FAF1: variants seen among roughly 807,000 people sequenced by gnomAD.
FAF1 encodes the protein Fas associated factor 1.
In FAF1, 25 loss-of-function variants were observed where a neutral mutation model predicts 92.5. The ratio of observed to expected loss-of-function variants is 0.27; its 90% CI spans 0.20 to 0.38. The LOEUF is 0.38. Among genes scored for constraint, FAF1 ranks in the 10% least tolerant of loss-of-function variants. The pLI is 1.00. For missense variants in FAF1, 636 were observed against 793.3 expected (o/e 0.80, Z 2.38); for synonymous variants, 234 against 273.2 (o/e 0.86, Z 1.42).
intron 1 of FAF1, among the ~76,000 whole-genome samples, chr1:50,919,433 A>G (rs1029090621): frequency 6.6e-6 from 1 of 152,154 alleles, no homozygotes; most frequent in African/African-American, 2.4e-5. Flanking sequence ...TATAACACGT[A>G]TAAGTAAAAT....
chr1:50,716,800 T>C (rs186251979), intron 6 of FAF1, among the ~76,000 whole-genome samples: 23 of 152,272 alleles, frequency 1.5e-4, no homozygotes, highest in African/African-American at 4.6e-4. Flanking sequence ...CAGCAGGATG[T>C]GGGCAGAGAC....
chr1:50,464,450 C>T (rs543119446), intron 18 of FAF1, among the ~76,000 whole-genome samples: 14 of 152,254 alleles, frequency 9.2e-5, no homozygotes, highest in African/African-American at 3.1e-4. Context: ...ATGCTGTCTC[C>T]CTGTCATTGC....
At chr1:50,684,227 G>A (rs1656552323) in intron 7 of FAF1, among the ~76,000 whole-genome samples, 1 of 145,728 alleles carries the variant, frequency 6.9e-6, no homozygotes, top group African/African-American at 2.5e-5. Context: ...ATTGAAACAT[G>A]TGTGTTTAAT....
intron 15 of FAF1, among the ~76,000 whole-genome samples, chr1:50,494,851 G>A (rs1331493479): frequency 6.6e-6 from 1 of 152,156 alleles, no homozygotes; most frequent in African/African-American, 2.4e-5. Context: ...TTATATACTA[G>A]AAATTCAGAA....
At chr1:50,872,067 A>T (rs1231838626) in intron 1 of FAF1, among the ~76,000 whole-genome samples, 2 of 143,810 alleles carry the variant, frequency 1.4e-5, no homozygotes, top group African/African-American at 5.7e-5. Flanking sequence ...TCCATCTCAA[A>T]AAAAAAAAAA....
At position 50,615,710 on chromosome 1, in the gene FAF1, T is replaced by C. The variant is rs571471329; in HGVS notation, c.745-19494A>G. ...TCCTTTATCCATTTTTTAATGGGCT[T>C]GTTTTCTGCTTGTTTGTTTCAGTTC... On this transcript the variant is annotated intron_variant, in intron 8 of 18. Coordinates refer to ENST00000396153, the MANE Select transcript of FAF1 (RefSeq NM_007051.3). 3.9e-5 allele frequency among the ~76,000 whole-genome samples: 6 copies of C among 152,292 alleles called. No homozygotes were observed. The East Asian group carries it at 1.2e-3, about 29-fold the overall frequency.
Position 50,934,236 on chromosome 1 carries a change from G to A in FAF1, c.45+25531C>T, listed in dbSNP as rs1383141786. Among the ~76,000 whole-genome samples the A allele has an allele frequency of 2.6e-5, 4 of 152,026 alleles. No homozygotes were observed. The East Asian group carries it at 5.8e-4, about 22-fold the overall frequency. ...CAATACTTCTTTCCTTTCTGCTACT[G>A]TTGTCACATATTTTACTTCCACATA... On this transcript the variant is annotated intron_variant, in intron 1 of 18. Transcript: ENST00000396153.
intron 2 of FAF1, among the ~76,000 whole-genome samples, chr1:50,838,231 T>TA (rs982437523): frequency 3.3e-5 from 5 of 152,016 alleles, no homozygotes; most frequent in Non-Finnish European, 7.4e-5. Flanking sequence ...GATGTTTCTT[T>TA]AAAAAATAAA....
At chr1:50,802,728 T>A (rs765436424) in intron 2 of FAF1, among the ~76,000 whole-genome samples, 25 of 152,182 alleles carry the variant, frequency 1.6e-4, no homozygotes, top group Non-Finnish European at 2.9e-4. Context: ...GCCCAACTTT[T>A]CCAACTCTGT....
At chr1:50,462,862 A>C (rs1646449739) in intron 18 of FAF1, among the ~76,000 whole-genome samples, 1 of 152,220 alleles carries the variant, frequency 6.6e-6, no homozygotes, top group Admixed American at 6.5e-5. Flanking sequence ...GTCCCCTTAC[A>C]TATCTAGCAG....
chr1:50,816,188 T>C (rs953446012), intron 2 of FAF1, among the ~76,000 whole-genome samples: 16 of 148,158 alleles, frequency 1.1e-4, no homozygotes, highest in African/African-American at 3.5e-4. Flanking sequence ...TTTTGCCCAC[T>C]TTTTTTTTTC....
intron 1 of FAF1, among the ~76,000 whole-genome samples, chr1:50,916,511 C>T (rs1030681404): frequency 6.6e-6 from 1 of 152,176 alleles, no homozygotes; most frequent in Non-Finnish European, 1.5e-5. Context: ...AGTGCTTTCT[C>T]AGAGTTCTAG....
At chr1:50,464,310 A>C (rs770715330) in intron 18 of FAF1, among the ~76,000 whole-genome samples, 5 of 152,084 alleles carry the variant, frequency 3.3e-5, no homozygotes, top group Non-Finnish European at 5.9e-5. Flanking sequence ...CCTGGCCTTC[A>C]CTTAATTCTT....
intron 1 of FAF1, among the ~76,000 whole-genome samples, chr1:50,871,836 C>T (rs932083639): frequency 2.0e-5 from 3 of 151,948 alleles, no homozygotes; most frequent in Non-Finnish European, 4.4e-5. Context: ...AAAAACGAGG[C>T]GGGCGGATCA....
At chr1:50,833,029 T>C (rs1164570010) in intron 2 of FAF1, among the ~76,000 whole-genome samples, 1 of 152,108 alleles carries the variant, frequency 6.6e-6, no homozygotes, top group Non-Finnish European at 1.5e-5. Flanking sequence ...TTTTCCCCCT[T>C]ACACCAACCA....
intron 5 of FAF1, among the ~76,000 whole-genome samples, chr1:50,739,227 T>C (rs1659266670): frequency 1.3e-5 from 2 of 152,050 alleles, no homozygotes; most frequent in African/African-American, 4.8e-5. Context: ...TATATATGTA[T>C]ATGCATACAT....
intron 9 of FAF1, among the ~76,000 whole-genome samples, chr1:50,590,568 T>C (rs1254146411): frequency 6.6e-6 from 1 of 152,230 alleles, no homozygotes; most frequent in African/African-American, 2.4e-5. Context: ...GTTGTCTACA[T>C]ATAAAATTAT....
intron 7 of FAF1, among the ~76,000 whole-genome samples, chr1:50,684,548 C>A (rs1000189894): frequency 6.6e-6 from 1 of 152,046 alleles, no homozygotes; most frequent in Non-Finnish European, 1.5e-5. Flanking sequence ...CAATGATATA[C>A]CGGTAAATGG....
chr1:50,574,998 T>G (rs1459163250), intron 12 of FAF1, among the ~76,000 whole-genome samples: 1 of 136,092 alleles, frequency 7.3e-6, no homozygotes, highest in Non-Finnish European at 1.5e-5. Context: ...AAGCTCCGCC[T>G]CCTGGGTTCA....
Sources: gnomAD v4.1 joint callset for allele counts (sites outside exome capture counted in the v4.1 genomes callset) on GRCh38, gnomAD v4.1.1 for gene constraint, MANE v1.5 for transcripts, NCBI Gene and HGNC (gene_info 2026-07-23, HGNC 2026-07-21) for gene names.